OCIAD2: variants seen among roughly 807,000 people sequenced by gnomAD.
OCIAD2 encodes OCIA domain-containing protein 2.
In OCIAD2, 29 loss-of-function variants were observed where a neutral mutation model predicts 22.9. The ratio of observed to expected loss-of-function variants is 1.27; its 90% CI spans 0.94 to 1.73. The LOEUF (loss-of-function observed/expected upper bound fraction) is 1.73, where lower values mean the gene tolerates loss of function less well. OCIAD2 is among the 40% of genes most tolerant of loss of function. The pLI is 0.00. For synonymous variants in OCIAD2, 67 were observed against 60.2 expected, an observed-to-expected ratio of 1.11 and a Z score of -0.52; for missense variants, 189 against 180.3, an observed-to-expected ratio of 1.05 and a Z score of -0.28.
intron 6 of OCIAD2, among the ~76,000 whole-genome samples, chr4:48,890,198 A>G (rs2109668523): frequency 6.6e-6 from 1 of 152,198 alleles, no homozygotes; most frequent in South Asian, 2.1e-4. Flanking sequence ...TGGCACATGC[A>G]TACATATGTA....
intron 1 of OCIAD2, among the ~76,000 whole-genome samples, chr4:48,905,805 A>C (rs1252113588): frequency 6.6e-6 from 1 of 152,240 alleles, no homozygotes; most frequent in African/African-American, 2.4e-5. Flanking sequence ...TGCACGGGAA[A>C]GTACTGGGGT....
At chr4:48,887,211 G>A (rs1317936689) in intron 6 of OCIAD2, among the ~76,000 whole-genome samples, 1 of 151,924 alleles carries the variant, frequency 6.6e-6, no homozygotes, top group African/African-American at 2.4e-5. Flanking sequence ...AAATTTGTTT[G>A]AGTTCTTTGT....
chr4:48,899,416 T>G (rs773976159), intron 3 of OCIAD2, among the ~76,000 whole-genome samples: 2 of 152,178 alleles, frequency 1.3e-5, no homozygotes, highest in African/African-American at 4.8e-5. Flanking sequence ...GATTAGGAAT[T>G]TTCTATGAAC....
intron 1 of OCIAD2, among the ~76,000 whole-genome samples, chr4:48,905,954 G>A (rs1293203681): frequency 6.6e-6 from 1 of 152,188 alleles, no homozygotes; most frequent in African/African-American, 2.4e-5. Context: ...GCTCTTGCAG[G>A]AATGAAGACT....
intron 4 of OCIAD2, among the ~76,000 whole-genome samples, chr4:48,896,250 G>C (rs562306092): frequency 2.6e-5 from 4 of 151,980 alleles, no homozygotes; most frequent in African/African-American, 7.2e-5. Context: ...AAAAGAACTA[G>C]GACTTCTTCC....
rs145273372 is a variant in OCIAD2, at chr4:48,897,506, T to C, written c.217+298A>G. Among the ~76,000 whole-genome samples the C allele has an allele frequency of 5.3e-3, 801 of 152,312 alleles. 7 individuals carry two copies. The highest frequency in any genetic ancestry group is 0.019 in the African/African-American group (776 of 41,566). Reference sequence around the variant, plus strand: ...TTTCACTTGTAAGGACCCTTTCAATTACACTGGGCCCACCTGGATCACCCA... The same window carrying C: ...TTTCACTTGTAAGGACCCTTTCAATCACACTGGGCCCACCTGGATCACCCA... On this transcript the variant is annotated intron_variant, in intron 4 of 6. Coordinates refer to ENST00000508632, the MANE Select transcript of OCIAD2 (RefSeq NM_001014446.3).
chr4:48,885,578 C>CA lies in OCIAD2; in HGVS notation c.384-14dup. The CA allele has an allele frequency of 6.8e-7, 1 of 1,461,658 alleles. No individual in the cohort carries two copies. The highest frequency in any genetic ancestry group is 9.6e-7 in the Non-Finnish European group (1 of 1,043,546). 90.5% of individuals were successfully genotyped at this position (1,461,658 alleles called of 1,614,324 possible). A position where few individuals can be genotyped will look rare whatever the true frequency, so the allele number is the denominator to read the frequency against. Reference sequence around the variant, plus strand: ...AAGGAGGCAGTGCCTAGAAGAGAAGCAAAAATAGACAGCGGTTTGTACTTT... The same window carrying CA: ...AAGGAGGCAGTGCCTAGAAGAGAAGCAAAAAATAGACAGCGGTTTGTACTTT... On this transcript the variant is annotated splice_polypyrimidine_tract_variant and intron_variant, in intron 6 of 6. Transcript: ENST00000508632.
intron 2 of OCIAD2, among the ~76,000 whole-genome samples, chr4:48,902,960 A>C (rs2109684735): frequency 6.6e-6 from 1 of 152,294 alleles, no homozygotes; most frequent in Middle Eastern, 3.4e-3. Flanking sequence ...CTCAAAAAAA[A>C]AGGATCTCTG....
At chr4:48,895,948 C>A (rs1163902099) in intron 4 of OCIAD2, among the ~76,000 whole-genome samples, 1 of 151,978 alleles carries the variant, frequency 6.6e-6, no homozygotes, top group African/African-American at 2.4e-5. Flanking sequence ...AGGAGAATTG[C>A]TTGAACCCAG....
intron 6 of OCIAD2, among the ~76,000 whole-genome samples, chr4:48,889,003 C>T (rs998217639): frequency 6.6e-6 from 1 of 152,180 alleles, no homozygotes; most frequent in Non-Finnish European, 1.5e-5. Context: ...TAATTATTGC[C>T]TCAATTTCAG....
intron 6 of OCIAD2, among the ~76,000 whole-genome samples, chr4:48,887,762 C>G (rs1166112313): frequency 2.0e-5 from 3 of 152,152 alleles, no homozygotes; most frequent in Admixed American, 1.3e-4. Context: ...AGTTTGAAGT[C>G]AGGTAGCATG....
Position 48,904,550 on chromosome 4 carries a change from G to C in OCIAD2, c.-1C>G, listed in dbSNP as rs1445389124. On this transcript the variant is annotated 5_prime_UTR_variant, in exon 2 of 7. It adds an upstream start codon to the 5' untranslated region. Transcript: ENST00000508632. ...TTCCACGAGCAGACGCTGAAGCCATGATGACTTTGTGCTTGCTCTCCTTCC... is the reference window on the plus strand; with the variant it reads ...TTCCACGAGCAGACGCTGAAGCCATCATGACTTTGTGCTTGCTCTCCTTCC... 6.2e-7 allele frequency: 1 copy of C among 1,613,870 alleles called. No homozygotes were observed. The highest frequency in any genetic ancestry group is 2.2e-5 in the East Asian group (1 of 44,892).
chr4:48,901,844 G>A (rs1781425262), intron 2 of OCIAD2, among the ~76,000 whole-genome samples: 1 of 152,146 alleles, frequency 6.6e-6, no homozygotes, highest in Non-Finnish European at 1.5e-5. Flanking sequence ...CTGGGCTCAA[G>A]TTAACCTCCC....
chr4:48,893,821 C>CT (rs1047491589), intron 5 of OCIAD2, 185 bp downstream of exon 5: 25 of 338,572 alleles, frequency 7.4e-5, no homozygotes, highest in Non-Finnish European at 1.2e-4. Flanking sequence ...CTAGTAATGT[C>CT]TTTTTTTCAA....
At chr4:48,901,243 G>A (rs1781408638) in intron 2 of OCIAD2, among the ~76,000 whole-genome samples, 1 of 151,992 alleles carries the variant, frequency 6.6e-6, no homozygotes, top group African/African-American at 2.4e-5. Flanking sequence ...CTGCATAACT[G>A]TGCACAATGT....
chr4:48,887,913 A>C (rs928582404), intron 6 of OCIAD2, among the ~76,000 whole-genome samples: 3 of 152,120 alleles, frequency 2.0e-5, no homozygotes, highest in Non-Finnish European at 2.9e-5. Flanking sequence ...CATTGAATCT[A>C]TGAATTACCT....
In OCIAD2 at chr4:48,900,934, G is replaced by A. The variant is rs556589109; in HGVS notation, c.67-1009C>T. On this transcript the variant is annotated intron_variant, in intron 2 of 6. Transcript: ENST00000508632. ...AATCAAGTTCATATGCTATCATCTA[G>A]ACCAACTCCCATCTCTTACCATTCC... Among the ~76,000 whole-genome samples the A allele has an allele frequency of 3.3e-5, 5 of 152,056 alleles. No individual in the cohort carries two copies. The South Asian group carries it at 1.0e-3, about 32-fold the overall frequency.
intron 6 of OCIAD2, among the ~76,000 whole-genome samples, chr4:48,887,468 T>C (rs1251893477): frequency 6.6e-6 from 1 of 152,274 alleles, no homozygotes. Flanking sequence ...CATATGGTTT[T>C]AGATCTAACA....
chr4:48,898,973 C>A (rs911964374), intron 3 of OCIAD2, among the ~76,000 whole-genome samples: 1 of 152,030 alleles, frequency 6.6e-6, no homozygotes, highest in East Asian at 1.9e-4. Context: ...TCTACTAGGG[C>A]CCAATTAAAT....
Sources: allele counts gnomAD v4.1 joint callset (sites outside exome capture counted in the v4.1 genomes callset), GRCh38; gene constraint gnomAD v4.1.1; transcripts MANE v1.5; gene names NCBI Gene and HGNC (gene_info 2026-07-23, HGNC 2026-07-21).